MOXD1: variants seen among roughly 807,000 people sequenced by gnomAD.
MOXD1 encodes the protein DBH-like monooxygenase protein 1.
In MOXD1, 62 loss-of-function variants were observed where a neutral mutation model predicts 66.6. That is an observed-to-expected ratio of 0.93 (90% CI 0.76 to 1.15). The LOEUF (loss-of-function observed/expected upper bound fraction) is 1.15. MOXD1 is among the 50% of genes most tolerant of loss of function. The pLI, the probability that MOXD1 is intolerant of heterozygous loss-of-function variation, is 0.00. For missense variants in MOXD1, 847 were observed against 754.6 expected (o/e 1.12, Z -1.44); for synonymous variants, 303 against 281.9 (o/e 1.07, Z -0.75).
intron 4 of MOXD1, among the ~76,000 whole-genome samples, chr6:132,338,277 A>T (rs918232623): frequency 6.6e-6 from 1 of 152,210 alleles, no homozygotes; most frequent in African/African-American, 2.4e-5. Flanking sequence ...CGGATGGGAC[A>T]GCATCAGTGC....
intron 4 of MOXD1, among the ~76,000 whole-genome samples, chr6:132,370,015 G>A (rs1297839222): frequency 1.3e-5 from 2 of 152,010 alleles, no homozygotes; most frequent in African/African-American, 2.4e-5. Context: ...AACTGTGATC[G>A]ATATTCTTAA....
intron 1 of MOXD1, among the ~76,000 whole-genome samples, chr6:132,383,686 T>A (rs9402400): frequency 0.13 from 19,880 of 152,226 alleles, 1,880 homozygotes; most frequent in East Asian, 0.45. Context: ...TGGAATAATA[T>A]ATTTCAGTGG....
intron 4 of MOXD1, among the ~76,000 whole-genome samples, chr6:132,372,057 A>G (rs1260805446): frequency 1.3e-5 from 2 of 152,200 alleles, no homozygotes; most frequent in African/African-American, 4.8e-5. Flanking sequence ...TGGGAGGCCC[A>G]TTCCAGAAGG....
chr6:132,343,913 A>G (rs1775615438), intron 4 of MOXD1, among the ~76,000 whole-genome samples: 1 of 152,178 alleles, frequency 6.6e-6, no homozygotes, highest in Admixed American at 6.5e-5. Flanking sequence ...GTGTCAAAAT[A>G]CATAGTGTTA....
intron 10 of MOXD1, among the ~76,000 whole-genome samples, chr6:132,302,494 T>A (rs1453390308): frequency 6.6e-6 from 1 of 151,856 alleles, no homozygotes; most frequent in East Asian, 1.9e-4. Flanking sequence ...AAACATATTA[T>A]TAACAAAACA....
In MOXD1 at chr6:132,327,467, C is replaced by A. The variant is rs76678391; in HGVS notation, c.946+546G>T. Reference sequence around the variant, plus strand: ...TTCTGTTGATAATTTCGTGTTAAATCTATCAATGTTAGGATTTGGAATATC... The same window carrying A: ...TTCTGTTGATAATTTCGTGTTAAATATATCAATGTTAGGATTTGGAATATC... On this transcript the variant is annotated intron_variant, in intron 6 of 11. Coordinates refer to ENST00000367963, the MANE Select transcript of MOXD1 (RefSeq NM_015529.4). Among the ~76,000 whole-genome samples the A allele has an allele frequency of 7.4e-4, 112 of 152,240 alleles. No homozygotes were observed. In the East Asian group the frequency reaches 0.018, roughly 25 times the overall value.
In MOXD1 at chr6:132,311,165, T is replaced by C. The variant is rs144266222; in HGVS notation, c.1508+4470A>G. Among the ~76,000 whole-genome samples, 676 of 152,210 alleles carry C rather than the reference T, an allele frequency of 4.4e-3. 6 individuals are homozygous for C. The highest frequency in any genetic ancestry group is 0.014 in the African/African-American group (597 of 41,524). ...AAAATATCATATCCAGCCAAACTGC[T>C]ATCCAAATAAAAGAGTAGAAATTCC... is the stretch of plus-strand genomic sequence containing the variant. On this transcript the variant is annotated intron_variant, in intron 10 of 11. Transcript: ENST00000367963.
At chr6:132,304,504 G>A (rs1334435560) in intron 10 of MOXD1, among the ~76,000 whole-genome samples, 1 of 152,140 alleles carries the variant, frequency 6.6e-6, no homozygotes. Context: ...GCTTGTCAAG[G>A]TCTTTCAGCT....
intron 1 of MOXD1, among the ~76,000 whole-genome samples, chr6:132,379,200 G>A (rs1056784298): frequency 1.3e-5 from 2 of 151,822 alleles, no homozygotes; most frequent in Non-Finnish European, 2.9e-5. Context: ...ATGCAGAGTT[G>A]TCTTAACATT....
chr6:132,392,879 A>G lies in MOXD1; in HGVS notation c.264+8284T>C, dbSNP rs112676631. 7.8e-3 allele frequency among the ~76,000 whole-genome samples: 1,182 copies of G among 152,322 alleles called. 17 individuals are homozygous for G. The highest frequency in any genetic ancestry group is 0.027 in the African/African-American group (1,109 of 41,554). On this transcript the variant is annotated intron_variant, in intron 1 of 11. Transcript: ENST00000367963. ...TCAAAAAGGTTAAAATGGGCAGCGCAAATTTCCATATGCCAGGTCCCTGGA... is the reference window on the plus strand; with the variant it reads ...TCAAAAAGGTTAAAATGGGCAGCGCGAATTTCCATATGCCAGGTCCCTGGA...
Position 132,401,173 on chromosome 6 carries a change from G to A in MOXD1, c.254C>T (p.Pro85Leu). The A allele has an allele frequency of 1.3e-6, 2 of 1,526,038 alleles. No homozygotes were observed. The highest frequency in any genetic ancestry group is 1.7e-6 in the Non-Finnish European group (2 of 1,143,130). 94.5% of individuals were successfully genotyped at this position (1,526,038 alleles called of 1,614,324 possible). ...IVVGGVAHGR[P>L]YLQDYFTNAN... ...AGGAGACGCGCTTACCTGGAGGTAG[G>A]GCCGCCCGTGGGCCACCCCGCCCAC... Residue 85 changes from proline to leucine, a missense_variant, in exon 1 of 12, where the codon CCC (proline) becomes CTC (leucine). Coordinates refer to ENST00000367963, the MANE Select transcript of MOXD1 (RefSeq NM_015529.4).
intron 1 of MOXD1, chr6:132,392,406 A>C: frequency 7.0e-7 from 1 of 1,433,348 alleles, no homozygotes; most frequent in Non-Finnish European, 9.3e-7. Context: ...ATATTCAACA[A>C]CGTTGCTCTC....
intron 4 of MOXD1, among the ~76,000 whole-genome samples, chr6:132,365,512 T>C (rs1165881061): frequency 2.6e-5 from 4 of 152,146 alleles, no homozygotes; most frequent in Non-Finnish European, 5.9e-5. Context: ...CCTATTGAGG[T>C]CATCTGGTCC....
At chr6:132,392,205 C>T in intron 1 of MOXD1, 1 of 1,592,580 alleles carries the variant, frequency 6.3e-7, no homozygotes, top group South Asian at 1.1e-5. Flanking sequence ...AAATCAGTTC[C>T]AAGCACTTCC....
intron 4 of MOXD1, among the ~76,000 whole-genome samples, chr6:132,361,550 A>G (rs1776018841): frequency 6.6e-6 from 1 of 152,152 alleles, no homozygotes; most frequent in Non-Finnish European, 1.5e-5. Flanking sequence ...ATGTAACTTG[A>G]CAAATGCAAT....
intron 4 of MOXD1, among the ~76,000 whole-genome samples, chr6:132,345,086 G>C (rs1775644480): frequency 6.6e-6 from 1 of 152,214 alleles, no homozygotes; most frequent in South Asian, 2.1e-4. Flanking sequence ...CAAATGAGCA[G>C]AGGTTCCATC....
chr6:132,392,299 G>C, intron 1 of MOXD1: 4 of 1,596,936 alleles, frequency 2.5e-6, no homozygotes, highest in Middle Eastern at 3.3e-4. Context: ...AGCAAGCAAG[G>C]CTGTAAGAAA....
chr6:132,401,056 G>C (rs1777013178), intron 1 of MOXD1, 107 bp downstream of exon 1: 5 of 1,308,330 alleles, frequency 3.8e-6, no homozygotes, highest in Non-Finnish European at 5.0e-6. Flanking sequence ...GGCTGCGCCA[G>C]GTGAGAGAGA....
rs962595653 is a variant in MOXD1 at position 132,324,486 on chromosome 6, A to G, written c.947-389T>C. Among the ~76,000 whole-genome samples, 29 of 152,236 alleles carry G rather than the reference A, an allele frequency of 1.9e-4. 1 individual carries two copies. The highest frequency in any genetic ancestry group is 3.3e-4 in the Admixed American group (5 of 15,284). ...AACTTTTATTTTATATTGTTTCGAGATGAAGTTCAATAACATTTACTTTGA... is the reference window on the plus strand; with the variant it reads ...AACTTTTATTTTATATTGTTTCGAGGTGAAGTTCAATAACATTTACTTTGA... On this transcript the variant is annotated intron_variant, in intron 6 of 11. Coordinates refer to ENST00000367963, the MANE Select transcript of MOXD1 (RefSeq NM_015529.4).
Sources: allele counts gnomAD v4.1 joint callset (sites outside exome capture counted in the v4.1 genomes callset), GRCh38; gene constraint gnomAD v4.1.1; transcripts MANE v1.5; gene names NCBI Gene and HGNC (gene_info 2026-07-23, HGNC 2026-07-21).